ODR4: variants seen among roughly 807,000 people sequenced by gnomAD.
ODR4 encodes protein odr-4 homolog.
A neutral mutation model predicts 60.2 loss-of-function variants in ODR4; 47 were observed. That is an observed-to-expected ratio of 0.78 (90% CI 0.62 to 1.00). ODR4 has a LOEUF of 1.00. Among genes scored for constraint, ODR4 ranks in the 50% least tolerant of loss-of-function variants. The pLI is 0.00. For missense variants in ODR4, 488 were observed against 530.8 expected (o/e 0.92, Z 0.79); for synonymous variants, 178 against 175.5 (o/e 1.01, Z -0.11).
Position 186,419,234 on chromosome 1 carries a change from G to C in ODR4, c.*158G>C, listed in dbSNP as rs1661695704. On this transcript the variant is annotated 3_prime_UTR_variant, in exon 14 of 14. Coordinates refer to ENST00000287859, the MANE Select transcript of ODR4 (RefSeq NM_017847.6). Reference sequence around the variant, plus strand: ...GTTTCTGATTAAAATGAAATCACAAGCTGCCTTGTTTAGCCTGCTTTACAT... The same window carrying C: ...GTTTCTGATTAAAATGAAATCACAACCTGCCTTGTTTAGCCTGCTTTACAT... 1.5e-6 allele frequency: 1 copy of C among 686,024 alleles called. No individual in the cohort carries two copies. The highest frequency in any genetic ancestry group is 1.8e-5 in the African/African-American group (1 of 55,868). The allele number at this position is 686,024 out of a possible 1,614,324, so 42.5% of individuals were successfully genotyped here.
At chr1:186,402,299 C>T (rs905411306) in intron 11 of ODR4, among the ~76,000 whole-genome samples, 8 of 147,930 alleles carry the variant, frequency 5.4e-5, no homozygotes, top group African/African-American at 2.0e-4. Context: ...TTCTTTCCTT[C>T]TCTCCTCTCC....
intron 12 of ODR4, among the ~76,000 whole-genome samples, chr1:186,406,643 T>C (rs1048090171): frequency 2.0e-5 from 3 of 152,110 alleles, no homozygotes; most frequent in African/African-American, 7.2e-5. Context: ...GAACAGAAGG[T>C]TTTAAAACAC....
downstream of ODR4, among the ~76,000 whole-genome samples, chr1:186,423,485 C>T (rs532921886): frequency 8.5e-6 from 1 of 118,082 alleles, no homozygotes; most frequent in Non-Finnish European, 1.6e-5. Flanking sequence ...GATGGAGTCT[C>T]GCTCTGTCAC....
chr1:186,379,856 C>A lies in ODR4; in HGVS notation c.71C>A (p.Ala24Asp). The A allele has an allele frequency of 6.2e-7, 1 of 1,607,368 alleles. No homozygotes were observed. Among genetic ancestry groups the A allele is most frequent in the African/African-American group, 1.3e-5 (1 of 74,622 alleles). The change falls in exon 2 of 14, where the codon GCT becomes GAT. Residue 24 changes from alanine to aspartate, a missense_variant. Transcript: ENST00000287859. ...TCAAACATAAATCTCCAAGGAAAGGCTTTTGTCTCTGGCCTTTTAATAGGA... is the reference window on the plus strand; with the variant it reads ...TCAAACATAAATCTCCAAGGAAAGGATTTTGTCTCTGGCCTTTTAATAGGA... ...YLSNINLQGKAFVSGLLIGQC... is the reference protein window; with the variant it reads ...YLSNINLQGKDFVSGLLIGQC...
chr1:186,388,555 T>A lies in ODR4; in HGVS notation c.437+7T>A. 6.8e-7 allele frequency: 1 copy of A among 1,472,764 alleles called. No homozygotes were observed. Among genetic ancestry groups the A allele is most frequent in the Non-Finnish European group, 9.2e-7 (1 of 1,090,500 alleles). The allele number at this position is 1,472,764 out of a possible 1,614,324, so 91.2% of individuals were successfully genotyped here. A position where few individuals can be genotyped will look rare whatever the true frequency, so the allele number is the denominator to read the frequency against. On this transcript the variant is annotated splice_region_variant and intron_variant, in intron 5 of 13. Transcript: ENST00000287859. Reference sequence around the variant, plus strand: ...TTTGTGCTTCTACAAAAAAGTATCTTTTGTTCAGTTTATGGTTTAAAAGTA... The same window carrying A: ...TTTGTGCTTCTACAAAAAAGTATCTATTGTTCAGTTTATGGTTTAAAAGTA...
the ODR4 span, among the ~76,000 whole-genome samples, chr1:186,434,293 T>A: frequency 6.6e-6 from 1 of 152,182 alleles, no homozygotes; most frequent in African/African-American, 2.4e-5. Flanking sequence ...CTTTTCTGTA[T>A]CCTTATGTTT....
chr1:186,413,898 T>C (rs1661459528), intron 12 of ODR4, among the ~76,000 whole-genome samples: 1 of 152,210 alleles, frequency 6.6e-6, no homozygotes, highest in Non-Finnish European at 1.5e-5. Context: ...TTGCATGCAT[T>C]CACAGCCCTT....
intron 1 of ODR4, among the ~76,000 whole-genome samples, chr1:186,379,272 G>A (rs1489057322): frequency 6.6e-6 from 1 of 151,598 alleles, no homozygotes; most frequent in Non-Finnish European, 1.5e-5. Flanking sequence ...GTGAAACCCC[G>A]TCTCTACTAA....
the ODR4 span, among the ~76,000 whole-genome samples, chr1:186,431,206 ATTTCTAT>A: frequency 3.3e-5 from 5 of 152,172 alleles, no homozygotes; most frequent in Non-Finnish European, 5.9e-5. Flanking sequence ...GATGCTTCAG[ATTTCTAT>A]AAAATTGTCA....
Sources: allele counts gnomAD v4.1 joint callset (sites outside exome capture counted in the v4.1 genomes callset), GRCh38; gene constraint gnomAD v4.1.1; transcripts MANE v1.5; gene names NCBI Gene and HGNC (gene_info 2026-07-23, HGNC 2026-07-21).